MAP7: variants seen among roughly 807,000 people sequenced by gnomAD.
MAP7 encodes the protein ensconsin.
MAP7 carries 52 observed loss-of-function variants against 94.8 expected under a neutral mutation model. That is an observed-to-expected ratio of 0.55 (90% CI 0.44 to 0.69). MAP7 has a LOEUF of 0.69. MAP7 is among the 30% of genes least tolerant of loss of function. The probability of loss-of-function intolerance (pLI) is 0.00; values close to 1 mark genes in which losing one functional copy is unlikely to be tolerated. For synonymous variants in MAP7, 350 were observed against 357.0 expected, an observed-to-expected ratio of 0.98 and a Z score of 0.22; for missense variants, 940 against 964.6, an observed-to-expected ratio of 0.97 and a Z score of 0.34.
chr6:136,396,425 T>G (rs1235814368), intron 3 of MAP7, among the ~76,000 whole-genome samples: 1 of 152,192 alleles, frequency 6.6e-6, no homozygotes, highest in African/African-American at 2.4e-5. Context: ...TTTTACTGAA[T>G]TAATTTATCC....
intron 3 of MAP7, among the ~76,000 whole-genome samples, chr6:136,394,931 C>CATATAT (rs144839767): frequency 0.18 from 4,888 of 26,976 alleles, 1,138 homozygotes; most frequent in Non-Finnish European, 0.26. Flanking sequence ...AATATTCCAT[C>CATATAT]ATATATATAT....
chr6:136,431,311 T>A (rs1794818177), intron 1 of MAP7, among the ~76,000 whole-genome samples: 1 of 151,998 alleles, frequency 6.6e-6, no homozygotes, highest in Admixed American at 6.6e-5. Flanking sequence ...AAATACTGAG[T>A]CCCATGAGAG....
intron 5 of MAP7, among the ~76,000 whole-genome samples, chr6:136,387,938 T>C (rs922772088): frequency 2.0e-5 from 3 of 152,192 alleles, no homozygotes; most frequent in Non-Finnish European, 4.4e-5. Flanking sequence ...TCAATAAACC[T>C]ATATATTTTC....
At chr6:136,393,984 T>A (rs946367106) in intron 3 of MAP7, among the ~76,000 whole-genome samples, 3 of 142,616 alleles carry the variant, frequency 2.1e-5, no homozygotes, top group East Asian at 2.0e-4. Context: ...AGGTATTTTT[T>A]TTTTTTTTTT....
intron 1 of MAP7, among the ~76,000 whole-genome samples, chr6:136,546,132 C>T (rs1009221717): frequency 1.3e-5 from 2 of 152,116 alleles, no homozygotes; most frequent in African/African-American, 4.8e-5. Flanking sequence ...TCTGCCTCAG[C>T]CTCCCAAAGA....
At chr6:136,445,304 A>T (rs1798994254) in intron 1 of MAP7, among the ~76,000 whole-genome samples, 1 of 152,018 alleles carries the variant, frequency 6.6e-6, no homozygotes, top group Admixed American at 6.5e-5. Context: ...TGTACAAATA[A>T]ACTTACTGAA....
Position 136,366,470 on chromosome 6 carries a change from T to C in MAP7, c.877-31A>G, listed in dbSNP as rs200433975. The C allele has an allele frequency of 8.2e-5, 122 of 1,480,808 alleles. No homozygotes were observed. The African/African-American group carries it at 1.6e-3, about 20-fold the overall frequency. The allele number at this position is 1,480,808 out of a possible 1,614,324, so 91.7% of individuals were successfully genotyped here. A position where few individuals can be genotyped will look rare whatever the true frequency, so the allele number is the denominator to read the frequency against. Reference sequence around the variant, plus strand: ...TTCAGAGAAACTCAATAGTTAGATTTTTCCACAAGCGAGGCAAACACACTC... The same window carrying C: ...TTCAGAGAAACTCAATAGTTAGATTCTTCCACAAGCGAGGCAAACACACTC... On this transcript the variant is annotated intron_variant, in intron 8 of 17. Transcript: ENST00000354570.
chr6:136,483,142 A>G (rs1455596502), intron 1 of MAP7, among the ~76,000 whole-genome samples: 1 of 151,530 alleles, frequency 6.6e-6, no homozygotes, highest in East Asian at 1.9e-4. Context: ...AAAAAAAAAA[A>G]AAAAAGAAAA....
At chr6:136,361,812 G>A (rs1020388031) in intron 11 of MAP7, among the ~76,000 whole-genome samples, 6 of 152,172 alleles carry the variant, frequency 3.9e-5, no homozygotes, top group Non-Finnish European at 8.8e-5. Context: ...GCTACCCTCC[G>A]AGAGGAGTTT....
chr6:136,485,866 C>A (rs1454057068), intron 1 of MAP7, among the ~76,000 whole-genome samples: 2 of 152,166 alleles, frequency 1.3e-5, no homozygotes, highest in African/African-American at 4.8e-5. Context: ...CCGGCCACTT[C>A]AGATTTTTTA....
chr6:136,525,745 G>T, intron 1 of MAP7: 2 of 1,394,588 alleles, frequency 1.4e-6, no homozygotes, highest in Non-Finnish European at 1.9e-6. Context: ...GCATGCACGA[G>T]CAGCACAGTT....
chr6:136,388,001 A>G (rs1306903528), intron 5 of MAP7, among the ~76,000 whole-genome samples: 2 of 152,186 alleles, frequency 1.3e-5, no homozygotes, highest in African/African-American at 4.8e-5. Flanking sequence ...ATAAGCTCAT[A>G]GTATTGATTC....
At chr6:136,509,994 G>C (rs1489262090) in intron 1 of MAP7, among the ~76,000 whole-genome samples, 1 of 152,212 alleles carries the variant, frequency 6.6e-6, no homozygotes, top group African/African-American at 2.4e-5. Context: ...CTGAGGTCAG[G>C]AGTTCGAGAC....
intron 1 of MAP7, among the ~76,000 whole-genome samples, chr6:136,442,241 A>G (rs1798074078): frequency 6.6e-6 from 1 of 150,754 alleles, no homozygotes; most frequent in African/African-American, 2.4e-5. Flanking sequence ...CGTCACTACT[A>G]AAAATACAAA....
At chr6:136,356,053 G>A (rs1790821133) in intron 16 of MAP7, among the ~76,000 whole-genome samples, 1 of 152,178 alleles carries the variant, frequency 6.6e-6, no homozygotes, top group Admixed American at 6.5e-5. Flanking sequence ...AAACATGTAA[G>A]TCACTGTAAT....
Position 136,388,500 on chromosome 6 carries a change from T to G in MAP7, c.419A>C (p.Glu140Ala). ...QRLEEDKERH[E>A]AVVRRTMERS... ...TTCCATTGTGCGCCGTACAACAGCTTCGTGGCGTTCCTTAGATGGAATAGA... is the reference window on the plus strand; with the variant it reads ...TTCCATTGTGCGCCGTACAACAGCTGCGTGGCGTTCCTTAGATGGAATAGA... Residue 140 changes from glutamate to alanine, a missense_variant, in exon 5 of 18, where the codon GAA becomes GCA. Glu to Ala is a moderately radical substitution (Grantham distance 107). Coordinates refer to ENST00000354570, the MANE Select transcript of MAP7 (RefSeq NM_003980.6). 1 of 1,613,872 alleles carries G rather than the reference T, an allele frequency of 6.2e-7. No homozygotes were observed. Among genetic ancestry groups the G allele is most frequent in the African/African-American group, 1.3e-5 (1 of 75,034 alleles).
At chr6:136,507,678 T>C (rs1366670363) in intron 1 of MAP7, among the ~76,000 whole-genome samples, 1 of 152,208 alleles carries the variant, frequency 6.6e-6, no homozygotes, top group Non-Finnish European at 1.5e-5. Flanking sequence ...ACAGGCTGCT[T>C]GATTAGTGCC....
At chr6:136,424,053 C>T (rs778300640) in intron 1 of MAP7, among the ~76,000 whole-genome samples, 4 of 152,038 alleles carry the variant, frequency 2.6e-5, no homozygotes, top group Non-Finnish European at 5.9e-5. Context: ...CTGCCTCGGC[C>T]TCCCAAAGTG....
chr6:136,455,753 CTTTA>C (rs1040121815), intron 1 of MAP7, among the ~76,000 whole-genome samples: 9 of 152,210 alleles, frequency 5.9e-5, no homozygotes, highest in Admixed American at 3.3e-4. Flanking sequence ...CCCAAATAAT[CTTTA>C]TTTAATGGAT....
Sources: gnomAD v4.1 joint callset for allele counts (sites outside exome capture counted in the v4.1 genomes callset) on GRCh38, gnomAD v4.1.1 for gene constraint, MANE v1.5 for transcripts, NCBI Gene and HGNC (gene_info 2026-07-23, HGNC 2026-07-21) for gene names.